ELOF1: variants seen among roughly 807,000 people sequenced by gnomAD.
The protein encoded by ELOF1 is elongation factor 1, also known as transcription elongation factor 1 homolog.
A neutral mutation model predicts 7.1 loss-of-function variants in ELOF1; 4 were observed. The observed-to-expected ratio is 0.56, with a 90% CI of 0.28 to 1.29. ELOF1 has a LOEUF of 1.29. Ranked by LOEUF, ELOF1 falls within the 50% of genes most tolerant of loss-of-function variation. The pLI is 0.10. For synonymous variants in ELOF1, 31 were observed against 31.9 expected (o/e 0.97, Z 0.09); for missense variants, 59 against 86.3 (o/e 0.68, Z 1.25).
chr19:11,556,366 C>CACAGCTTGCTAAAGCCTCAA (rs1972834280), intron 1 of ELOF1, among the ~76,000 whole-genome samples: 2 of 151,362 alleles, frequency 1.3e-5, no homozygotes, highest in Admixed American at 6.6e-5. Context: ...GTGGCATGAT[C>CACAGCTTGCTAAAGCCTCAA]TCGACCCACT....
chr19:11,553,228 CG>C, intron 3 of ELOF1: 1 of 398,810 alleles, frequency 2.5e-6, no homozygotes, highest in Middle Eastern at 6.3e-4. Flanking sequence ...TCCCCGGCCA[CG>C]GGCACTAGAA....
intron 3 of ELOF1, chr19:11,553,661 G>A: frequency 6.7e-7 from 1 of 1,495,944 alleles, no homozygotes; most frequent in Non-Finnish European, 9.2e-7. Context: ...CCCACACCCT[G>A]GACCCCTGGA....
At chr19:11,554,107 G>A (rs200004332) in intron 2 of ELOF1, 26 bp from the exon 3 acceptor site, 1 of 1,614,208 alleles carries the variant, frequency 6.2e-7, no homozygotes, top group African/African-American at 1.3e-5. Flanking sequence ...AGAAGGGACT[G>A]GTGAGCAATG....
intron 3 of ELOF1, chr19:11,553,691 G>A (rs1259774474): frequency 5.6e-6 from 9 of 1,609,708 alleles, no homozygotes; most frequent in Middle Eastern, 1.7e-4. Flanking sequence ...GACCAGAACC[G>A]AACAGCTGGA....
At chr19:11,553,395 G>C (rs1197763017) in intron 3 of ELOF1, 2 of 459,338 alleles carry the variant, frequency 4.4e-6, no homozygotes, top group Middle Eastern at 5.7e-4. Flanking sequence ...CCCCAAGGCT[G>C]GGGGGCCAGG....
chr19:11,556,702 C>T (rs1972839752), intron 1 of ELOF1, among the ~76,000 whole-genome samples: 1 of 150,270 alleles, frequency 6.7e-6, no homozygotes, highest in Non-Finnish European at 1.5e-5. Flanking sequence ...CACCCACCCT[C>T]TTTATTTATC....
chr19:11,553,205 C>T (rs755491386), intron 3 of ELOF1: 5 of 400,004 alleles, frequency 1.2e-5, no homozygotes, highest in East Asian at 3.6e-5. Context: ...ACCTGGGGAA[C>T]GGCGGCTTTG....
At position 11,553,839 on chromosome 19, in the gene ELOF1, T is replaced by C. The variant is rs538576533; in HGVS notation, c.187+172A>G. On this transcript the variant is annotated intron_variant, in intron 3 of 3. Transcript: ENST00000586683. ...GGCCACTTAGGTCAAGGGCGATCAT[T>C]GGCATTGGAACCCTGCCCTGCATCT... 3.8e-5 allele frequency: 61 copies of C among 1,614,142 alleles called. No homozygotes were observed. In the East Asian group the frequency reaches 1.2e-3, roughly 32 times the overall value.
chr19:11,553,599 A>G (rs547546794), intron 3 of ELOF1: 10 of 547,512 alleles, frequency 1.8e-5, no homozygotes, highest in Non-Finnish European at 2.6e-5. Context: ...ACACACACAC[A>G]CACACACACA....
At chr19:11,556,879 T>C (rs1972841872) in intron 1 of ELOF1, among the ~76,000 whole-genome samples, 1 of 152,190 alleles carries the variant, frequency 6.6e-6, no homozygotes, top group African/African-American at 2.4e-5. Context: ...AGTAAGTTCC[T>C]GCAAAAACAA....
At chr19:11,554,470 TC>T in intron 1 of ELOF1, 105 bp from the exon 2 acceptor site, 1 of 1,465,778 alleles carries the variant, frequency 6.8e-7, no homozygotes, top group South Asian at 1.4e-5. Context: ...TGCACCGTGG[TC>T]CCGGGGCCTC....
At chr19:11,553,810 T>A in intron 3 of ELOF1, 1 of 1,614,154 alleles carries the variant, frequency 6.2e-7, no homozygotes, top group Non-Finnish European at 8.5e-7. Context: ...TTCTGACAGA[T>A]CTGGGCCACT....
At chr19:11,556,591 G>C (rs1235130002) in intron 1 of ELOF1, among the ~76,000 whole-genome samples, 1 of 151,770 alleles carries the variant, frequency 6.6e-6, no homozygotes, top group South Asian at 2.1e-4. Context: ...GAGCCACCAC[G>C]CCCAGCCAAC....
intron 3 of ELOF1, 88 bp from the exon 4 acceptor site, chr19:11,553,898 T>C (rs747432383): frequency 6.2e-7 from 1 of 1,610,328 alleles, no homozygotes; most frequent in Admixed American, 1.7e-5. Flanking sequence ...GTGGCACCTG[T>C]TCCTCTGGAC....
chr19:11,554,499 G>T, intron 1 of ELOF1, 134 bp from the exon 2 acceptor site: 19 of 1,279,206 alleles, frequency 1.5e-5, no homozygotes, highest in South Asian at 3.1e-5. Flanking sequence ...GAGGGACGAG[G>T]CCCTCAGTCC....
intron 3 of ELOF1, 32 bp from the exon 4 acceptor site, chr19:11,553,842 C>T: frequency 1.2e-6 from 2 of 1,614,090 alleles, no homozygotes; most frequent in Non-Finnish European, 1.7e-6. Flanking sequence ...CGATCATTGG[C>T]ATTGGAACCC....
chr19:11,553,726 G>A (rs1291608598), intron 3 of ELOF1: 1 of 1,614,114 alleles, frequency 6.2e-7, no homozygotes, highest in Admixed American at 1.7e-5. Flanking sequence ...GGCTGCTCAG[G>A]GGGCGGGTCC....
At chr19:11,557,436 A>G (rs781534376) in intron 1 of ELOF1, among the ~76,000 whole-genome samples, 9 of 151,622 alleles carry the variant, frequency 5.9e-5, no homozygotes, top group Non-Finnish European at 8.8e-5. Context: ...TTTCTACTAA[A>G]AATACAAAAA....
chr19:11,557,090 A>G, intron 1 of ELOF1, among the ~76,000 whole-genome samples: 1 of 151,928 alleles, frequency 6.6e-6, no homozygotes, highest in East Asian at 1.9e-4. Flanking sequence ...ATTCCCACCC[A>G]TCTCTCTGCA....
Sources: allele counts gnomAD v4.1 joint callset (sites outside exome capture counted in the v4.1 genomes callset), GRCh38; gene constraint gnomAD v4.1.1; transcripts MANE v1.5; gene names NCBI Gene and HGNC (gene_info 2026-07-23, HGNC 2026-07-21).